The following COL4A5 variants were observed in gnomAD, a reference collection of about 807,000 sequenced individuals.
The protein encoded by COL4A5 is collagen type IV alpha 5 chain.
Under a neutral mutation model 130.2 loss-of-function variants are expected in COL4A5, and 26 were observed. That is an observed-to-expected ratio of 0.20 (90% CI 0.15 to 0.28). The LOEUF (loss-of-function observed/expected upper bound fraction) is 0.28, where lower values mean the gene tolerates loss of function less well. Among genes scored for constraint, COL4A5 ranks in the 10% least tolerant of loss-of-function variants. The pLI is 1.00. For synonymous variants in COL4A5, 496 were observed against 439.6 expected (o/e 1.13, Z -1.60); for missense variants, 1,131 against 1,344.3 (o/e 0.84, Z 2.48).
chrX:108,649,619 C>T (rs1003031514), intron 36 of COL4A5, among the ~76,000 whole-genome samples: 2 of 111,495 alleles, frequency 1.8e-5, no homozygotes, highest in East Asian at 5.7e-4. Flanking sequence ...TTACAGCCAA[C>T]GGATCTTAGA....
chrX:108,579,042 T>C (rs985628417), intron 13 of COL4A5, among the ~76,000 whole-genome samples: 1 of 102,752 alleles, frequency 9.7e-6, no homozygotes, highest in Non-Finnish European at 2.0e-5. Context: ...ATCCACCCAT[T>C]TAAAGTGTAC....
intron 1 of COL4A5, among the ~76,000 whole-genome samples, chrX:108,468,053 C>T (rs904402627): frequency 1.8e-5 from 2 of 111,312 alleles, no homozygotes; most frequent in Non-Finnish European, 3.8e-5. Flanking sequence ...ATATGAAATT[C>T]GTTTATGTTT....
intron 10 of COL4A5, among the ~76,000 whole-genome samples, chrX:108,577,148 A>T (rs2066163529): frequency 9.1e-6 from 1 of 109,344 alleles, no homozygotes; most frequent in East Asian, 2.9e-4. Context: ...AGGTGGGTGG[A>T]TCACCTGAGG....
intron 4 of COL4A5, among the ~76,000 whole-genome samples, chrX:108,567,916 C>G (rs1277365338): frequency 9.0e-6 from 1 of 111,660 alleles, no homozygotes; most frequent in Non-Finnish European, 1.9e-5. Flanking sequence ...ACAGCAAAAC[C>G]ATATCAAGTT....
intron 2 of COL4A5, among the ~76,000 whole-genome samples, chrX:108,553,265 C>G (rs894278310): frequency 1.3e-4 from 15 of 111,513 alleles, no homozygotes; most frequent in Admixed American, 1.2e-3. Flanking sequence ...AACTTGTTCT[C>G]CTCTAAAAGT....
In COL4A5 at chrX:108,677,745, T is replaced by C. The variant is rs753184797; in HGVS notation, c.3942+112T>C. ...AACACTCACTAGACAAGGTTCTATG[T>C]GTGGCTCACTGGCGAATTAAAAAGA... On this transcript the variant is annotated intron_variant, in intron 44 of 52. Coordinates refer to ENST00000328300, the MANE Select transcript of COL4A5 (RefSeq NM_033380.3). 23 of 937,126 alleles carry C rather than the reference T, an allele frequency of 2.5e-5. No homozygotes were observed. The South Asian group carries it at 4.9e-4, about 20-fold the overall frequency. 77.2% of individuals were successfully genotyped at this position (937,126 alleles called of 1,213,427 possible).
In COL4A5 at chrX:108,601,479, C is replaced by T. The variant is rs763147642; in HGVS notation, c.2035C>T (p.Leu679Phe). ...CCCAGGCAGAGATGGTGATGTAGGT[C>T]TTCCAGGTATGTGAGGAATTTATTT... ...GNPGRDGDVG[L>F]PGDPGLPGQP... Residue 679 changes from leucine (L) to phenylalanine (F), a missense_variant, in exon 26 of 53, where the codon CTT (leucine) becomes TTT (phenylalanine). Leu to Phe is a conservative substitution (Grantham distance 22). Coordinates refer to ENST00000328300, the MANE Select transcript of COL4A5 (RefSeq NM_033380.3). 2 of 1,170,819 alleles carry T rather than the reference C, an allele frequency of 1.7e-6. No homozygotes were observed. The highest frequency in any genetic ancestry group is 2.2e-5 in the Admixed American group (1 of 45,484).
At chrX:108,563,784 A>G in intron 3 of COL4A5, 98 bp from the exon 4 acceptor site, 2 of 678,032 alleles carry the variant, frequency 2.9e-6, no homozygotes, top group Non-Finnish European at 4.6e-6. Flanking sequence ...ACTTTCACAG[A>G]TGTTTACAGT....
At chrX:108,687,788 T>C in intron 49 of COL4A5, 94 bp downstream of exon 49, 1 of 788,971 alleles carries the variant, frequency 1.3e-6, no homozygotes, top group East Asian at 3.1e-5. Flanking sequence ...AAAGTGCCTC[T>C]CTCTATTCTT....
At chrX:108,648,703 A>G (rs767732706) in intron 36 of COL4A5, among the ~76,000 whole-genome samples, 1 of 112,018 alleles carries the variant, frequency 8.9e-6, no homozygotes, top group South Asian at 3.7e-4. Flanking sequence ...CTTTACAATT[A>G]AAACTCTCAG....
intron 1 of COL4A5, among the ~76,000 whole-genome samples, chrX:108,456,293 G>T (rs1214473456): frequency 9.0e-6 from 1 of 111,530 alleles, no homozygotes; most frequent in Non-Finnish European, 1.9e-5. Flanking sequence ...TTTATCCAAA[G>T]ATAAAATGCT....
chrX:108,667,511 G>A (rs745422326), intron 40 of COL4A5, among the ~76,000 whole-genome samples: 9 of 109,649 alleles, frequency 8.2e-5, no homozygotes, highest in Non-Finnish European at 1.3e-4. Flanking sequence ...AGAAATATAC[G>A]CCAATAATAA....
At chrX:108,495,512 C>A (rs1381668423) in intron 1 of COL4A5, among the ~76,000 whole-genome samples, 1 of 111,041 alleles carries the variant, frequency 9.0e-6, no homozygotes, top group Non-Finnish European at 1.9e-5. Context: ...AAAACCCCCC[C>A]AAATCCCATT....
At chrX:108,602,761 T>C (rs1309071698) in intron 27 of COL4A5, among the ~76,000 whole-genome samples, 4 of 112,072 alleles carry the variant, frequency 3.6e-5, no homozygotes, top group Non-Finnish European at 5.6e-5. Context: ...ATGTTCCACA[T>C]ACATTAGCTC....
intron 2 of COL4A5, among the ~76,000 whole-genome samples, chrX:108,552,504 G>C (rs1401047385): frequency 3.6e-5 from 4 of 111,636 alleles, no homozygotes; most frequent in African/African-American, 1.3e-4. Flanking sequence ...ACAATGAAAA[G>C]TAGTAAATTG....
Position 108,606,793 on chromosome X carries a change from G to A in COL4A5, c.2296G>A (p.Gly766Ser). The A allele has an allele frequency of 1.7e-6, 2 of 1,211,549 alleles. No homozygotes were observed. ...PGPPGPPGLP[G>S]FKGALGPKGD... is the part of the protein sequence containing the mutation. ...GCCACCTGGGCCACCAGGACTTCCA[G>A]GTTTCAAAGGAGCACTTGGTCCAAA... Residue 766 changes from glycine (G) to serine (S), a missense_variant, in exon 29 of 53, where the codon GGT becomes AGT. Transcript: ENST00000328300.
At chrX:108,514,601 G>T (rs2065205490) in intron 1 of COL4A5, among the ~76,000 whole-genome samples, 1 of 112,080 alleles carries the variant, frequency 8.9e-6, no homozygotes, top group Non-Finnish European at 1.9e-5. Context: ...AGAGATAAAA[G>T]AAATATTTGT....
intron 19 of COL4A5, among the ~76,000 whole-genome samples, 196 bp downstream of exon 19, chrX:108,586,943 T>C (rs779487805): frequency 1.2e-4 from 13 of 110,541 alleles, no homozygotes; most frequent in African/African-American, 4.4e-4. Flanking sequence ...CCCAAGTGAA[T>C]AGTGTCCTTT....
intron 1 of COL4A5, among the ~76,000 whole-genome samples, chrX:108,472,477 C>T (rs1383042404): frequency 1.8e-5 from 2 of 111,593 alleles, no homozygotes; most frequent in Non-Finnish European, 3.8e-5. Flanking sequence ...TAAATTCTGT[C>T]AAGATTTGCT....
Sources: allele counts gnomAD v4.1 joint callset (sites outside exome capture counted in the v4.1 genomes callset), GRCh38; gene constraint gnomAD v4.1.1; transcripts MANE v1.5; gene names NCBI Gene and HGNC (gene_info 2026-07-23, HGNC 2026-07-21).